MMRN1: variants seen among roughly 807,000 people sequenced by gnomAD.
MMRN1 encodes multimerin 1, also known as multimerin-1.
Under a neutral mutation model 100.7 loss-of-function variants are expected in MMRN1, and 94 were observed. That is an observed-to-expected ratio of 0.93 (90% CI 0.79 to 1.11). The LOEUF is 1.11. Ranked by LOEUF, MMRN1 falls within the 50% of genes least tolerant of loss-of-function variation. The probability of loss-of-function intolerance (pLI) is 0.00; values close to 1 mark genes in which losing one functional copy is unlikely to be tolerated. For synonymous variants in MMRN1, 575 were observed against 505.0 expected (o/e 1.14, Z -1.86); for missense variants, 1,606 against 1,439.1 (o/e 1.12, Z -1.88).
chr4:89,923,177 A>G lies in MMRN1; in HGVS notation c.860A>G (p.Gln287Arg), dbSNP rs1722144860. The G allele has an allele frequency of 5.6e-6, 9 of 1,613,726 alleles. No individual in the cohort carries two copies. The East Asian group carries it at 2.0e-4, about 36-fold the overall frequency. The change falls in exon 4 of 8, where the codon CAG becomes CGG. Residue 287 changes from glutamine to arginine, a missense_variant. Physicochemically the swap from Gln to Arg is conservative, Grantham distance 43. Coordinates refer to ENST00000264790, the MANE Select transcript of MMRN1 (RefSeq NM_007351.3). The part of the protein sequence containing the change: ...GPKCQLRAQE[Q>R]QSLIHTNQAE... ...TTCTGCTTCCTTCTAGCCCAGGAAC[A>G]GCAAAGTTTGATACACACCAACCAG...
At chr4:89,917,402 C>A (rs1721955576) in intron 3 of MMRN1, among the ~76,000 whole-genome samples, 1 of 151,764 alleles carries the variant, frequency 6.6e-6, no homozygotes, top group Admixed American at 6.6e-5. Context: ...ATCACGAGCA[C>A]CCAAACCAAT....
chr4:89,881,524 T>C (rs1002265250), intron 1 of MMRN1, among the ~76,000 whole-genome samples: 7 of 152,210 alleles, frequency 4.6e-5, no homozygotes, highest in African/African-American at 1.7e-4. Context: ...AAGAATTATA[T>C]GCCTTTTCAT....
At chr4:89,938,349 G>A (rs1456488787) in intron 6 of MMRN1, among the ~76,000 whole-genome samples, 1 of 150,710 alleles carries the variant, frequency 6.6e-6, no homozygotes, top group African/African-American at 2.4e-5. Context: ...AATTTTGGGA[G>A]ATATAAGGAG....
At chr4:89,897,979 A>G (rs1296684279) in intron 1 of MMRN1, among the ~76,000 whole-genome samples, 1 of 152,166 alleles carries the variant, frequency 6.6e-6, no homozygotes, top group African/African-American at 2.4e-5. Flanking sequence ...ATAGAAAAGT[A>G]CTAACTGCAT....
chr4:89,921,453 TA>T (rs1200372054), intron 3 of MMRN1, among the ~76,000 whole-genome samples: 1 of 152,172 alleles, frequency 6.6e-6, no homozygotes, highest in African/African-American at 2.4e-5. Context: ...TAAAATGCCT[TA>T]GTACACCATT....
At chr4:89,915,166 C>A (rs1309328767) in intron 3 of MMRN1, among the ~76,000 whole-genome samples, 1 of 151,574 alleles carries the variant, frequency 6.6e-6, no homozygotes, top group East Asian at 1.9e-4. Flanking sequence ...TATGGGGCTC[C>A]TCCAGCAGGA....
At chr4:89,942,882 T>G (rs1722879037) in intron 6 of MMRN1, among the ~76,000 whole-genome samples, 1 of 152,150 alleles carries the variant, frequency 6.6e-6, no homozygotes, top group Non-Finnish European at 1.5e-5. Context: ...TAAACAATTG[T>G]TTTACAGTTA....
intron 6 of MMRN1, among the ~76,000 whole-genome samples, chr4:89,948,194 C>T (rs1422684911): frequency 6.6e-6 from 1 of 152,184 alleles, no homozygotes; most frequent in Non-Finnish European, 1.5e-5. Context: ...GTACAAATAG[C>T]TTCAGTTGGA....
At chr4:89,944,588 T>C (rs769801849) in intron 6 of MMRN1, among the ~76,000 whole-genome samples, 4 of 152,120 alleles carry the variant, frequency 2.6e-5, no homozygotes, top group African/African-American at 4.8e-5. Context: ...ATTTCACAGC[T>C]ATATGGATGA....
intron 1 of MMRN1, among the ~76,000 whole-genome samples, chr4:89,899,301 T>A (rs530934500): frequency 6.6e-6 from 1 of 152,060 alleles, no homozygotes; most frequent in Admixed American, 6.6e-5. Context: ...GACCAAGCAC[T>A]TTGAAATAGG....
Position 89,895,253 on chromosome 4 carries a change from T to G in MMRN1, c.282T>G (p.Gly94=). ...CAGAAACAAGTGCACCTGCTGAGGG[T>G]GTGAGAAATCAAACTCTCACATCCA... is the stretch of plus-strand genomic sequence containing the variant. The part of the protein sequence containing the change: ...PPSETSAPAE[G]VRNQTLTSTE... The change falls in exon 1 of 8, where the codon GGT becomes GGG. Residue 94 remains glycine, a synonymous_variant. Transcript: ENST00000264790. 6.2e-7 allele frequency: 1 copy of G among 1,613,830 alleles called. No individual in the cohort carries two copies. Among genetic ancestry groups the G allele is most frequent in the Non-Finnish European group, 8.5e-7 (1 of 1,179,912 alleles).
chr4:89,902,534 T>A (rs1282243514), intron 1 of MMRN1, among the ~76,000 whole-genome samples: 4 of 151,968 alleles, frequency 2.6e-5, no homozygotes, highest in Non-Finnish European at 5.9e-5. Flanking sequence ...GTACATCCTG[T>A]GATGGCCATA....
At chr4:89,904,396 A>T (rs972634874) in intron 1 of MMRN1, among the ~76,000 whole-genome samples, 3 of 151,702 alleles carry the variant, frequency 2.0e-5, no homozygotes, top group African/African-American at 7.3e-5. Flanking sequence ...GAACGTTTTC[A>T]TCTTCCCAAA....
At position 89,936,797 on chromosome 4, in the gene MMRN1, T is replaced by C; in HGVS notation, c.3117T>C (p.Pro1039=). The change falls in exon 6 of 8, where the codon CCT becomes CCC. Residue 1039 remains proline, a splice_region_variant and synonymous_variant. Transcript: ENST00000264790. ...GAAACACGGACAACATAATATATCC[T>C]GGTAAGCTGTTACTGAAAAGTAACT... The part of the protein sequence containing the change: ...TQRNTDNIIY[P]EEYSSCSRHP... 1 of 1,571,102 alleles carries C rather than the reference T, an allele frequency of 6.4e-7. No individual in the cohort carries two copies. Among genetic ancestry groups the C allele is most frequent in the Non-Finnish European group, 8.6e-7 (1 of 1,164,966 alleles).
intron 6 of MMRN1, among the ~76,000 whole-genome samples, chr4:89,950,433 T>A (rs1723129239): frequency 6.6e-6 from 1 of 152,178 alleles, no homozygotes; most frequent in Non-Finnish European, 1.5e-5. Context: ...TATTAACAGC[T>A]ATAGCAGTTT....
At chr4:89,893,901 C>T (rs1163308873), upstream of MMRN1, among the ~76,000 whole-genome samples, 3 of 152,006 alleles carry the variant, frequency 2.0e-5, no homozygotes, top group East Asian at 5.8e-4. Context: ...ATCTGAGGAT[C>T]AGAGATTTGC....
At chr4:89,881,957 T>G (rs2110566910) in intron 1 of MMRN1, among the ~76,000 whole-genome samples, 1 of 152,122 alleles carries the variant, frequency 6.6e-6, no homozygotes, top group Non-Finnish European at 1.5e-5. Flanking sequence ...CCAATATCTA[T>G]ACCTTAAATT....
intron 6 of MMRN1, among the ~76,000 whole-genome samples, chr4:89,944,034 T>C (rs1201621316): frequency 6.6e-5 from 10 of 152,144 alleles, no homozygotes; most frequent in Admixed American, 6.5e-4. Flanking sequence ...TGCAATGTTC[T>C]GTTATATTTT....
chr4:89,889,952 T>C (rs1256210201), upstream of MMRN1, among the ~76,000 whole-genome samples: 1 of 152,106 alleles, frequency 6.6e-6, no homozygotes, highest in Non-Finnish European at 1.5e-5. Flanking sequence ...CTCTAGCCTT[T>C]GGAGGACCTT....
Sources: allele counts gnomAD v4.1 joint callset (sites outside exome capture counted in the v4.1 genomes callset), GRCh38; gene constraint gnomAD v4.1.1; transcripts MANE v1.5; gene names NCBI Gene and HGNC (gene_info 2026-07-23, HGNC 2026-07-21).